CSMD1: variants seen among roughly 807,000 people sequenced by gnomAD.
The protein encoded by CSMD1 is CUB and sushi domain-containing protein 1.
In CSMD1, 213 loss-of-function variants were observed where a neutral mutation model predicts 417.5. That is an observed-to-expected ratio of 0.51 (90% CI 0.46 to 0.57). CSMD1 has a LOEUF of 0.57. Ranked by LOEUF, CSMD1 falls within the 20% of genes least tolerant of loss-of-function variation. CSMD1 has a pLI of 0.00. For synonymous variants in CSMD1, 2,862 were observed against 1,736.8 expected, an observed-to-expected ratio of 1.65 and a Z score of -16.11; for missense variants, 6,923 against 4,529.7, an observed-to-expected ratio of 1.53 and a Z score of -15.17.
chr8:3,314,179 G>A (rs1018084347), intron 23 of CSMD1, among the ~76,000 whole-genome samples: 2 of 152,094 alleles, frequency 1.3e-5, no homozygotes, highest in East Asian at 3.9e-4. Context: ...TAAATGACTA[G>A]TTAATGGGTG....
chr8:4,916,247 G>T (rs185529823), intron 1 of CSMD1, among the ~76,000 whole-genome samples: 87 of 149,214 alleles, frequency 5.8e-4, no homozygotes, highest in African/African-American at 2.2e-3. Context: ...TAGAATTTCG[G>T]CACACTACGA....
At chr8:4,470,450 G>T (rs1033125818) in intron 2 of CSMD1, among the ~76,000 whole-genome samples, 1 of 152,214 alleles carries the variant, frequency 6.6e-6, no homozygotes, top group Non-Finnish European at 1.5e-5. Flanking sequence ...ATGTAGACAG[G>T]TTGGGGTCAT....
Position 3,407,983 on chromosome 8 carries a change from G to A in CSMD1, c.1987C>T (p.Leu663=). ...CGAACTATATGCCCACTGCTGGCCAGCTGGGAAGGCACTTCATTGCCAGAA... is the reference window on the plus strand; with the variant it reads ...CGAACTATATGCCCACTGCTGGCCAACTGGGAAGGCACTTCATTGCCAGAA... The part of the protein sequence containing the change: ...TFSGNEVPSQ[L]ASSGHIVRLE... Residue 663 remains leucine (L), a synonymous_variant, in exon 14 of 70, where the codon CTG becomes TTG. Coordinates refer to ENST00000635120, the MANE Select transcript of CSMD1 (RefSeq NM_033225.6). 6.2e-7 allele frequency: 1 copy of A among 1,613,882 alleles called. No homozygotes were observed. The highest frequency in any genetic ancestry group is 8.5e-7 in the Non-Finnish European group (1 of 1,179,864).
chr8:4,613,820 A>G (rs532438206), intron 2 of CSMD1, among the ~76,000 whole-genome samples: 52 of 150,056 alleles, frequency 3.5e-4, no homozygotes, highest in Non-Finnish European at 6.2e-4. Context: ...AAATGGTTCA[A>G]TGATGGTGTT....
intron 3 of CSMD1, among the ~76,000 whole-genome samples, chr8:4,376,901 G>C (rs1414273813): frequency 6.6e-6 from 1 of 151,964 alleles, no homozygotes; most frequent in East Asian, 1.9e-4. Flanking sequence ...TTGTATTTTG[G>C]ACACACTACT....
At position 4,144,847 on chromosome 8, in the gene CSMD1, C is replaced by G. The variant is rs924635603; in HGVS notation, c.416-112748G>C. ...TCGCAATCATTCACAATGCAGGGAA[C>G]CAGGGGAATTGTGTCCCTGGGAGAA... On this transcript the variant is annotated intron_variant, in intron 3 of 69. Transcript: ENST00000635120. Among the ~76,000 whole-genome samples the G allele has an allele frequency of 6.6e-5, 10 of 150,836 alleles. 1 individual carries two copies. The highest frequency in any genetic ancestry group is 2.0e-4 in the African/African-American group (8 of 40,264).
intron 6 of CSMD1, among the ~76,000 whole-genome samples, chr8:3,739,464 T>G (rs1345162454): frequency 6.6e-6 from 1 of 152,240 alleles, no homozygotes; most frequent in East Asian, 1.9e-4. Context: ...TTAATTACTC[T>G]GGTTTGATCA....
chr8:3,901,714 T>C (rs1584936554), intron 5 of CSMD1, among the ~76,000 whole-genome samples: 1 of 152,258 alleles, frequency 6.6e-6, no homozygotes, highest in South Asian at 2.1e-4. Flanking sequence ...TGGCAAAGAA[T>C]GGAACAACTG....
rs115670351 is a variant in CSMD1, at chr8:3,886,835, T to A, written c.818+111068A>T. Among the ~76,000 whole-genome samples, 1,402 of 152,300 alleles carry A rather than the reference T, an allele frequency of 9.2e-3. 9 individuals carry two copies. The highest frequency in any genetic ancestry group is 0.027 in the Middle Eastern group (8 of 294). On this transcript the variant is annotated intron_variant, in intron 5 of 69. Transcript: ENST00000635120. ...TAGAATAGAGATTTGAACACAGATC[T>A]AATTCAAAACTTTCTGCCCTCAATG...
At chr8:4,190,421 C>G (rs7007375) in intron 3 of CSMD1, among the ~76,000 whole-genome samples, 1 of 151,972 alleles carries the variant, frequency 6.6e-6, no homozygotes. Context: ...TAATGATTAA[C>G]GCTCATTAAT....
At chr8:4,328,085 T>C (rs576450509) in intron 3 of CSMD1, among the ~76,000 whole-genome samples, 4 of 152,096 alleles carry the variant, frequency 2.6e-5, no homozygotes, top group African/African-American at 7.2e-5. Flanking sequence ...TTACATGATA[T>C]GTAACAGAAA....
chr8:4,139,425 A>G (rs1803640368), intron 3 of CSMD1, among the ~76,000 whole-genome samples: 21 of 151,424 alleles, frequency 1.4e-4, no homozygotes, highest in African/African-American at 5.2e-4. Context: ...ACTGGAGGTA[A>G]AGAACGAAGG....
At chr8:4,136,445 T>C (rs1803440552) in intron 3 of CSMD1, among the ~76,000 whole-genome samples, 1 of 152,186 alleles carries the variant, frequency 6.6e-6, no homozygotes, top group African/African-American at 2.4e-5. Context: ...AGCATCCCTT[T>C]TGAAAAATGC....
intron 3 of CSMD1, among the ~76,000 whole-genome samples, chr8:4,275,308 G>A (rs1479735141): frequency 6.6e-6 from 1 of 152,110 alleles, no homozygotes; most frequent in Admixed American, 6.6e-5. Context: ...AAACTGTAAG[G>A]TCAGAAGGTA....
At chr8:4,067,161 G>A (rs1239114699) in intron 3 of CSMD1, among the ~76,000 whole-genome samples, 1 of 152,218 alleles carries the variant, frequency 6.6e-6, no homozygotes, top group Non-Finnish European at 1.5e-5. Flanking sequence ...AAGCAAGGAT[G>A]AAAGATACTG....
chr8:3,312,456 C>T (rs1418845128), intron 23 of CSMD1, among the ~76,000 whole-genome samples: 1 of 152,154 alleles, frequency 6.6e-6, no homozygotes, highest in Admixed American at 6.6e-5. Flanking sequence ...AAATACATTC[C>T]TCTTTCCTGT....
chr8:4,117,300 G>A (rs1418597217), intron 3 of CSMD1, among the ~76,000 whole-genome samples: 1 of 151,382 alleles, frequency 6.6e-6, no homozygotes, highest in South Asian at 2.1e-4. Flanking sequence ...TGGCTGGCTG[G>A]TGGGATCCTC....
chr8:3,926,104 C>CAAACACCAT (rs1563218307), intron 5 of CSMD1, among the ~76,000 whole-genome samples: 2 of 41,634 alleles, frequency 4.8e-5, no homozygotes, highest in Non-Finnish European at 8.9e-5. Flanking sequence ...CACACACACA[C>CAAACACCAT]ACACACACAC....
chr8:3,604,526 G>C (rs1038573896), intron 8 of CSMD1, among the ~76,000 whole-genome samples: 1 of 152,078 alleles, frequency 6.6e-6, no homozygotes, highest in African/African-American at 2.4e-5. Context: ...TACCACATAG[G>C]ATACCAACCG....
Sources: allele counts gnomAD v4.1 joint callset (sites outside exome capture counted in the v4.1 genomes callset), GRCh38; gene constraint gnomAD v4.1.1; transcripts MANE v1.5; gene names NCBI Gene and HGNC (gene_info 2026-07-23, HGNC 2026-07-21).